RYR3: variants seen among roughly 807,000 people sequenced by gnomAD.
RYR3 encodes ryanodine receptor 3.
A neutral mutation model predicts 584.3 loss-of-function variants in RYR3; 207 were observed. The observed-to-expected ratio is 0.35, with a 90% CI of 0.32 to 0.40. The LOEUF is 0.40. Among genes scored for constraint, RYR3 ranks in the 10% least tolerant of loss-of-function variants. RYR3 has a pLI of 1.00. For missense variants in RYR3, 5,616 were observed against 6,089.2 expected (o/e 0.92, Z 2.59); for synonymous variants, 2,416 against 2,248.5 (o/e 1.07, Z -2.11).
At chr15:33,368,151 T>C (rs951358871) in intron 1 of RYR3, among the ~76,000 whole-genome samples, 11 of 152,056 alleles carry the variant, frequency 7.2e-5, no homozygotes, top group Non-Finnish European at 1.6e-4. Context: ...TAGTTTTCAA[T>C]TCACAAAGGT....
At chr15:33,513,556 A>G (rs2053226815) in intron 3 of RYR3, among the ~76,000 whole-genome samples, 1 of 152,244 alleles carries the variant, frequency 6.6e-6, no homozygotes, top group Non-Finnish European at 1.5e-5. Flanking sequence ...TTATCTGCAA[A>G]GTAAGACGAA....
chr15:33,845,219 C>T (rs572710558), intron 93 of RYR3, among the ~76,000 whole-genome samples, 157 bp downstream of exon 93: 7 of 152,288 alleles, frequency 4.6e-5, no homozygotes, highest in African/African-American at 1.2e-4. Context: ...GCTGCCTAGA[C>T]CTGCAGAGTC....
chr15:33,670,650 G>A, intron 38 of RYR3, 94 bp downstream of exon 38: 1 of 1,270,736 alleles, frequency 7.9e-7, no homozygotes, highest in Non-Finnish European at 1.1e-6. Flanking sequence ...GATAGGGGCT[G>A]CTTAACTTCA....
At chr15:33,750,615 G>A (rs1285335545) in intron 57 of RYR3, among the ~76,000 whole-genome samples, 3 of 152,076 alleles carry the variant, frequency 2.0e-5, no homozygotes, top group South Asian at 2.1e-4. Context: ...TCTCTTTATT[G>A]GAGTTATAAA....
chr15:33,620,472 A>T (rs772714682), intron 19 of RYR3, among the ~76,000 whole-genome samples: 2 of 152,184 alleles, frequency 1.3e-5, no homozygotes, highest in Non-Finnish European at 1.5e-5. Context: ...TCAGCACTTC[A>T]CTTTAGGATG....
intron 68 of RYR3, 148 bp from the exon 69 acceptor site, chr15:33,801,721 T>A (rs773364902): frequency 1.7e-6 from 1 of 601,528 alleles, no homozygotes; most frequent in Non-Finnish European, 3.0e-6. Context: ...CCTCTTCCCA[T>A]AATGGAATGA....
At chr15:33,813,138 G>T (rs761848521) in intron 73 of RYR3, 144 bp downstream of exon 73, 13 of 1,019,278 alleles carry the variant, frequency 1.3e-5, no homozygotes, top group Non-Finnish European at 1.8e-5. Flanking sequence ...TCACCCCCAC[G>T]TGCCATCTCG....
At chr15:33,503,596 G>A (rs771031291) in intron 2 of RYR3, 35 bp from the exon 3 acceptor site, 6 of 1,239,620 alleles carry the variant, frequency 4.8e-6, no homozygotes, top group African/African-American at 1.5e-5. Flanking sequence ...TGACTGATAT[G>A]AGTAGGTATC....
chr15:33,594,378 G>A lies in RYR3; in HGVS notation c.1789-7041G>A, dbSNP rs12915364. On this transcript the variant is annotated intron_variant, in intron 16 of 103. Transcript: ENST00000634891. Reference sequence around the variant, plus strand: ...AGTTTCCAAATTCTGGAGAAGTTAGGTAGAGAGAAACAAATATGCTCCAAA... The same window carrying A: ...AGTTTCCAAATTCTGGAGAAGTTAGATAGAGAGAAACAAATATGCTCCAAA... 8.9e-3 allele frequency among the ~76,000 whole-genome samples: 1,361 copies of A among 152,290 alleles called. 8 individuals carry two copies. The highest frequency in any genetic ancestry group is 0.014 in the Non-Finnish European group (975 of 68,004).
chr15:33,718,287 C>T (rs142625012), intron 43 of RYR3, among the ~76,000 whole-genome samples: 2 of 152,180 alleles, frequency 1.3e-5, no homozygotes, highest in African/African-American at 2.4e-5. Context: ...AATGGGTAGC[C>T]ACCTTTGGTT....
At chr15:33,424,761 TTATCTTATTTATCA>T (rs1271868167) in intron 1 of RYR3, among the ~76,000 whole-genome samples, 1 of 150,916 alleles carries the variant, frequency 6.6e-6, no homozygotes, top group Non-Finnish European at 1.5e-5. Flanking sequence ...TGTGTCTTAT[TTATCTTATTTATCA>T]TATCTTATTT....
intron 1 of RYR3, among the ~76,000 whole-genome samples, chr15:33,459,329 G>T (rs561725621): frequency 6.6e-6 from 1 of 152,338 alleles, no homozygotes; most frequent in South Asian, 2.1e-4. Context: ...GACAAGCAAG[G>T]ATTTGTATCC....
chr15:33,762,749 A>G (rs879202274), intron 60 of RYR3, among the ~76,000 whole-genome samples: 1 of 152,214 alleles, frequency 6.6e-6, no homozygotes, highest in Non-Finnish European at 1.5e-5. Flanking sequence ...CTTTCTTCAC[A>G]GAACTAGAAA....
At chr15:33,633,150 T>A (rs755573688) in intron 24 of RYR3, 42 bp downstream of exon 24, 2 of 1,602,596 alleles carry the variant, frequency 1.2e-6, no homozygotes, top group Non-Finnish European at 1.7e-6. Flanking sequence ...ACTTAGAAGA[T>A]ATGATCATCC....
At chr15:33,772,759 C>A (rs2073677605) in intron 63 of RYR3, among the ~76,000 whole-genome samples, 1 of 152,220 alleles carries the variant, frequency 6.6e-6, no homozygotes, top group Non-Finnish European at 1.5e-5. Flanking sequence ...ATAGCTAAGA[C>A]TATGTCTTTC....
rs552401861 is a variant in RYR3, at chr15:33,375,839, C to T, written c.51+64743C>T. Reference sequence around the variant, plus strand: ...CAGCACTCTGGGAGGCCGAGGCGGGCGGATCATGAGGTCAGGAGATTGAGA... The same window carrying T: ...CAGCACTCTGGGAGGCCGAGGCGGGTGGATCATGAGGTCAGGAGATTGAGA... On this transcript the variant is annotated intron_variant, in intron 1 of 103. Coordinates refer to ENST00000634891, the MANE Select transcript of RYR3 (RefSeq NM_001036.6). Among the ~76,000 whole-genome samples, 111 of 152,156 alleles carry T rather than the reference C, an allele frequency of 7.3e-4. 2 individuals carry two copies. The highest frequency in any genetic ancestry group is 1.5e-3 in the Non-Finnish European group (99 of 67,976).
intron 1 of RYR3, among the ~76,000 whole-genome samples, chr15:33,407,391 G>A (rs185209023): frequency 4.6e-5 from 7 of 152,326 alleles, no homozygotes; most frequent in Admixed American, 2.0e-4. Flanking sequence ...GAAGAGACCT[G>A]ATGGAGACGA....
At chr15:33,802,063 A>T (rs367662324) in intron 69 of RYR3, 102 bp downstream of exon 69, 2 of 808,650 alleles carry the variant, frequency 2.5e-6, no homozygotes. Flanking sequence ...TACTGCATTT[A>T]GGTCAAACTA....
At chr15:33,808,356 T>C (rs1175881350) in intron 70 of RYR3, among the ~76,000 whole-genome samples, 2 of 152,236 alleles carry the variant, frequency 1.3e-5, no homozygotes, top group Non-Finnish European at 2.9e-5. Context: ...ATGTTTTATA[T>C]AAGTAGCAGG....
Sources: allele counts gnomAD v4.1 joint callset (sites outside exome capture counted in the v4.1 genomes callset), GRCh38; gene constraint gnomAD v4.1.1; transcripts MANE v1.5; gene names NCBI Gene and HGNC (gene_info 2026-07-23, HGNC 2026-07-21).